ITGA4: variants seen among roughly 807,000 people sequenced by gnomAD.
ITGA4 encodes integrin alpha-4.
Under a neutral mutation model 133.6 loss-of-function variants are expected in ITGA4, and 63 were observed. That is an observed-to-expected ratio of 0.47 (90% CI 0.38 to 0.58). The LOEUF is 0.58. Among genes scored for constraint, ITGA4 ranks in the 20% least tolerant of loss-of-function variants. The pLI, the probability that ITGA4 is intolerant of heterozygous loss-of-function variation, is 0.00. For synonymous variants in ITGA4, 483 were observed against 438.0 expected (o/e 1.10, Z -1.28); for missense variants, 1,076 against 1,252.7 (o/e 0.86, Z 2.13).
In ITGA4 at chr2:181,523,816, C is replaced by G. The variant is rs1025737221; in HGVS notation, c.2169+284C>G. 1.3e-5 allele frequency among the ~76,000 whole-genome samples: 2 copies of G among 152,150 alleles called. No individual in the cohort carries two copies. Among genetic ancestry groups the G allele is most frequent in the Non-Finnish European group, 2.9e-5 (2 of 68,030 alleles). On this transcript the variant is annotated intron_variant, in intron 19 of 27. Transcript: ENST00000397033. This position sits in a 1 kb window ranked among gnomAD's most constrained non-coding sequence, Gnocchi z 4.2. Reference sequence around the variant, plus strand: ...CACCCTTCCCGAAAACCCCCACCCCCACCGCAGGTGGTCCTGTCTGCCAGG... The same window carrying G: ...CACCCTTCCCGAAAACCCCCACCCCGACCGCAGGTGGTCCTGTCTGCCAGG...
At chr2:181,534,646 T>TAAAC (rs1357999586) in intron 26 of ITGA4, among the ~76,000 whole-genome samples, 170 bp from the exon 27 acceptor site, 3 of 152,184 alleles carry the variant, frequency 2.0e-5, no homozygotes, top group East Asian at 3.9e-4. Flanking sequence ...CTGTTTCTGC[T>TAAAC]AAACAGTTAC....
chr2:181,474,843 C>T (rs938335629), intron 2 of ITGA4, 117 bp from the exon 3 acceptor site: 13 of 681,762 alleles, frequency 1.9e-5, no homozygotes, highest in South Asian at 1.7e-4. Flanking sequence ...ACATTGTGCA[C>T]TGAATATAAG....
rs759569832 is a variant in ITGA4 at position 181,457,735 on chromosome 2, G to C, written c.81G>C (p.Gly27=). The C allele has an allele frequency of 1.9e-6, 3 of 1,612,980 alleles. No homozygotes were observed. Among genetic ancestry groups the C allele is most frequent in the Non-Finnish European group, 2.5e-6 (3 of 1,179,818 alleles). Residue 27 remains glycine (G), a synonymous_variant, in exon 1 of 28, where the codon GGG becomes GGC. Coordinates refer to ENST00000397033, the MANE Select transcript of ITGA4 (RefSeq NM_000885.6). ...RETVMLLLCL[G]VPTGRPYNVD... Reference sequence around the variant, plus strand: ...CGGTGATGCTGTTGCTGTGCCTGGGGGTCCCGACCGGCCGCCCCTACAACG... The same window carrying C: ...CGGTGATGCTGTTGCTGTGCCTGGGCGTCCCGACCGGCCGCCCCTACAACG...
At chr2:181,464,833 T>C (rs372767183) in intron 2 of ITGA4, among the ~76,000 whole-genome samples, 1 of 152,070 alleles carries the variant, frequency 6.6e-6, no homozygotes, top group East Asian at 1.9e-4. Flanking sequence ...CAGGGATTTT[T>C]AATTTTGAGA....
chr2:181,511,356 C>T (rs1038869690), intron 16 of ITGA4, among the ~76,000 whole-genome samples: 2 of 152,042 alleles, frequency 1.3e-5, no homozygotes, highest in Admixed American at 6.6e-5. Context: ...CAAACTGCAG[C>T]AACAGAAAAT....
In ITGA4 at chr2:181,516,733, A is replaced by T. The variant is rs560394372; in HGVS notation, c.1922+4958A>T. ...GTCTGTCTTCTGAAATATTAAGGGA[A>T]TGCTGCCTGTCACCTGAATAATCTA... On this transcript the variant is annotated intron_variant, in intron 17 of 27. Transcript: ENST00000397033. This position sits in a 1 kb window ranked among gnomAD's most constrained non-coding sequence, Gnocchi z 4.0. Among the ~76,000 whole-genome samples the T allele has an allele frequency of 6.6e-6, 1 of 152,170 alleles. No homozygotes were observed. The highest frequency in any genetic ancestry group is 2.4e-5 in the African/African-American group (1 of 41,536).
intron 7 of ITGA4, among the ~76,000 whole-genome samples, chr2:181,481,917 AGATAG>A (rs1280235705): frequency 6.6e-6 from 1 of 152,224 alleles, no homozygotes; most frequent in Non-Finnish European, 1.5e-5. Context: ...GAAAATTATA[AGATAG>A]AACTATCTAA....
chr2:181,474,214 A>G (rs1326895860), intron 2 of ITGA4, among the ~76,000 whole-genome samples: 2 of 152,242 alleles, frequency 1.3e-5, no homozygotes, highest in Non-Finnish European at 2.9e-5. Context: ...ACAAAAGAAA[A>G]TAATGATCAC....
In ITGA4 at chr2:181,480,282, A is replaced by G. The variant is rs755400005; in HGVS notation, c.754+16A>G. 6 of 1,332,930 alleles carry G rather than the reference A, an allele frequency of 4.5e-6. No individual in the cohort carries two copies. Among genetic ancestry groups the G allele is most frequent in the Non-Finnish European group, 6.1e-6 (6 of 983,850 alleles). 82.6% of individuals were successfully genotyped at this position (1,332,930 alleles called of 1,614,324 possible). ...AGTTATTTAGGTACTATAAAAATTG[A>G]CAAACTTAAATGATCTGTGCCTTAC... On this transcript the variant is annotated intron_variant, in intron 6 of 27. Transcript: ENST00000397033.
Position 181,535,662 on chromosome 2 carries a change from C to T in ITGA4, c.*135C>T. 1 of 1,129,000 alleles carries T rather than the reference C, an allele frequency of 8.9e-7. No individual in the cohort carries two copies. The highest frequency in any genetic ancestry group is 1.2e-6 in the Non-Finnish European group (1 of 823,080). The allele number at this position is 1,129,000 out of a possible 1,614,324, so 69.9% of individuals were successfully genotyped here. ...ATGATCTTGTGACATATTATGTCTT[C>T]ATGCAAGGGGAAAATCTCAGCAATG... On this transcript the variant is annotated 3_prime_UTR_variant, in exon 28 of 28. Transcript: ENST00000397033.
intron 15 of ITGA4, among the ~76,000 whole-genome samples, chr2:181,508,502 C>T (rs967010045): frequency 6.6e-6 from 1 of 151,664 alleles, no homozygotes; most frequent in South Asian, 2.1e-4. Flanking sequence ...TTGAGACCAG[C>T]CCTACCAACA....
chr2:181,460,278 G>C (rs1434489747), intron 2 of ITGA4, among the ~76,000 whole-genome samples: 1 of 152,220 alleles, frequency 6.6e-6, no homozygotes, highest in African/African-American at 2.4e-5. Context: ...AATGCCTTGA[G>C]TATTTGCCGA....
chr2:181,489,795 C>T (rs952908900), intron 10 of ITGA4, among the ~76,000 whole-genome samples: 1 of 152,112 alleles, frequency 6.6e-6, no homozygotes, highest in Non-Finnish European at 1.5e-5. Flanking sequence ...TCATCATCCA[C>T]CCCACACAAC....
At chr2:181,485,594 A>T (rs2105736380) in intron 9 of ITGA4, among the ~76,000 whole-genome samples, 1 of 152,338 alleles carries the variant, frequency 6.6e-6, no homozygotes, top group Non-Finnish European at 1.5e-5. Flanking sequence ...GGCTCAATAA[A>T]TATTTGCTAA....
chr2:181,501,918 G>T (rs1345315362), intron 15 of ITGA4, among the ~76,000 whole-genome samples: 4 of 152,022 alleles, frequency 2.6e-5, no homozygotes, highest in Non-Finnish European at 5.9e-5. Flanking sequence ...TATATCTTTG[G>T]CATATGGATG....
chr2:181,458,074 G>A, intron 1 of ITGA4, 122 bp from the exon 2 acceptor site: 2 of 1,367,540 alleles, frequency 1.5e-6, no homozygotes, highest in Admixed American at 1.8e-5. Context: ...TCGAGTCGGG[G>A]GTGGTGGGCG....
chr2:181,515,395 T>C (rs1023186326), intron 17 of ITGA4, among the ~76,000 whole-genome samples: 1 of 152,110 alleles, frequency 6.6e-6, no homozygotes, highest in African/African-American at 2.4e-5. Flanking sequence ...AAGTCATTAC[T>C]ATTTCTATTT....
intron 23 of ITGA4, 139 bp from the exon 24 acceptor site, chr2:181,530,385 C>A: frequency 1.3e-6 from 1 of 754,962 alleles, no homozygotes; most frequent in Non-Finnish European, 2.0e-6. Context: ...CCAAATCTGT[C>A]AAAAAAATTT....
chr2:181,471,051 A>G (rs1473531775), intron 2 of ITGA4, among the ~76,000 whole-genome samples: 1 of 152,156 alleles, frequency 6.6e-6, no homozygotes, highest in Non-Finnish European at 1.5e-5. Flanking sequence ...AGAAGTGAAA[A>G]GGGGAAACAT....
Sources: gnomAD v4.1 joint callset for allele counts (sites outside exome capture counted in the v4.1 genomes callset) on GRCh38, gnomAD v4.1.1 for gene constraint, Gnocchi (gnomAD v3.1) non-coding constraint, MANE v1.5 for transcripts, NCBI Gene and HGNC (gene_info 2026-07-23, HGNC 2026-07-21) for gene names.